The following CDH13 variants were observed in gnomAD, a reference collection of about 807,000 sequenced individuals.
The protein encoded by CDH13 is cadherin-13.
Under a neutral mutation model 63.8 loss-of-function variants are expected in CDH13, and 24 were observed. The observed-to-expected ratio is 0.38, with a 90% CI of 0.27 to 0.53. CDH13 has a LOEUF of 0.53. Ranked by LOEUF, CDH13 falls within the 20% of genes least tolerant of loss-of-function variation. The probability of loss-of-function intolerance (pLI) is 0.85; values close to 1 mark genes in which losing one functional copy is unlikely to be tolerated. For missense variants in CDH13, 1,049 were observed against 903.1 expected, an observed-to-expected ratio of 1.16 and a Z score of -2.07; for synonymous variants, 503 against 355.3, an observed-to-expected ratio of 1.42 and a Z score of -4.67.
intron 4 of CDH13, among the ~76,000 whole-genome samples, chr16:83,192,941 C>T (rs1212541277): frequency 6.6e-6 from 1 of 152,016 alleles, no homozygotes; most frequent in Non-Finnish European, 1.5e-5. Context: ...GAAACAATTT[C>T]TCTTAAAGAG....
At chr16:83,291,134 G>A (rs1705553007) in intron 5 of CDH13, among the ~76,000 whole-genome samples, 1 of 152,120 alleles carries the variant, frequency 6.6e-6, no homozygotes, top group Non-Finnish European at 1.5e-5. Flanking sequence ...ATTCATCTTT[G>A]CATCCTTCAT....
chr16:82,781,704 C>A (rs1180756987), intron 1 of CDH13, among the ~76,000 whole-genome samples: 1 of 152,178 alleles, frequency 6.6e-6, no homozygotes, highest in Non-Finnish European at 1.5e-5. Flanking sequence ...CCCCTCTCAT[C>A]CATCAATATA....
At chr16:82,716,708 C>T (rs2032397557) in intron 1 of CDH13, among the ~76,000 whole-genome samples, 1 of 150,930 alleles carries the variant, frequency 6.6e-6, no homozygotes, top group Non-Finnish European at 1.5e-5. Flanking sequence ...CATTAGTTGC[C>T]TGCACAGGTT....
At chr16:83,303,798 C>G (rs978186060) in intron 5 of CDH13, among the ~76,000 whole-genome samples, 3 of 152,084 alleles carry the variant, frequency 2.0e-5, no homozygotes, top group Non-Finnish European at 2.9e-5. Flanking sequence ...TTCTGATCCC[C>G]AATACCAGAA....
chr16:83,135,606 A>C (rs1388346308), intron 4 of CDH13, among the ~76,000 whole-genome samples: 1 of 152,228 alleles, frequency 6.6e-6, no homozygotes, highest in African/African-American at 2.4e-5. Flanking sequence ...CACTATGGAA[A>C]ACAGTGTGGA....
intron 2 of CDH13, among the ~76,000 whole-genome samples, chr16:82,904,629 A>T (rs1175657071): frequency 2.0e-5 from 3 of 152,210 alleles, no homozygotes; most frequent in Non-Finnish European, 4.4e-5. Context: ...GTCATAGTAC[A>T]TGTGCAATTC....
intron 5 of CDH13, among the ~76,000 whole-genome samples, chr16:83,314,924 C>T (rs1459111716): frequency 2.0e-5 from 3 of 152,176 alleles, no homozygotes; most frequent in Non-Finnish European, 4.4e-5. Context: ...TTCCTGTCTT[C>T]AGCCTCTTCT....
chr16:82,911,396 G>A (rs990951996), intron 2 of CDH13, among the ~76,000 whole-genome samples: 1 of 152,112 alleles, frequency 6.6e-6, no homozygotes, highest in Non-Finnish European at 1.5e-5. Flanking sequence ...AAGGCTCCCT[G>A]TGACATCCAA....
intron 1 of CDH13, among the ~76,000 whole-genome samples, chr16:82,787,843 T>TGTGTGTGTGTGTGTGTGTGTGTGC (rs2036095384): frequency 6.6e-6 from 1 of 151,870 alleles, no homozygotes; most frequent in East Asian, 1.9e-4. Flanking sequence ...AGGGAGGAAG[T>TGTGTGTGTGTGTGTGTGTGTGTGC]GTGTGTGTGA....
At chr16:83,057,467 A>G (rs1200921729) in intron 3 of CDH13, among the ~76,000 whole-genome samples, 4 of 152,208 alleles carry the variant, frequency 2.6e-5, no homozygotes, top group Admixed American at 6.5e-5. Context: ...AGTTTAATAT[A>G]TGAATGATAC....
intron 1 of CDH13, among the ~76,000 whole-genome samples, chr16:82,640,778 A>G (rs1208890073): frequency 6.6e-6 from 1 of 152,244 alleles, no homozygotes; most frequent in East Asian, 1.9e-4. Flanking sequence ...ATTAACTTTT[A>G]TCAAGGTAAA....
intron 8 of CDH13, among the ~76,000 whole-genome samples, chr16:83,635,961 C>T (rs2150802012): frequency 6.6e-6 from 1 of 152,152 alleles, no homozygotes; most frequent in South Asian, 2.1e-4. Flanking sequence ...GTCCATGATC[C>T]TTTCGGAACT....
intron 10 of CDH13, among the ~76,000 whole-genome samples, chr16:83,707,064 C>T (rs935056926): frequency 6.6e-6 from 1 of 152,178 alleles, no homozygotes; most frequent in South Asian, 2.1e-4. Flanking sequence ...AACAGCACAT[C>T]TACTCTGGAC....
intron 6 of CDH13, among the ~76,000 whole-genome samples, chr16:83,445,920 C>A (rs920731668): frequency 1.3e-5 from 2 of 152,114 alleles, no homozygotes; most frequent in African/African-American, 4.8e-5. Flanking sequence ...GATCTTTGTG[C>A]CTCTTGACTC....
intron 6 of CDH13, among the ~76,000 whole-genome samples, chr16:83,360,618 C>T (rs956922690): frequency 6.6e-6 from 1 of 152,126 alleles, no homozygotes; most frequent in Non-Finnish European, 1.5e-5. Flanking sequence ...CTCACCAGCA[C>T]CCTCCGCTAG....
chr16:83,202,289 C>T (rs2039054844), intron 4 of CDH13, among the ~76,000 whole-genome samples: 1 of 152,074 alleles, frequency 6.6e-6, no homozygotes, highest in Admixed American at 6.6e-5. Context: ...AAAACGGCTG[C>T]AAAATAGGAT....
At chr16:83,216,424 ATATAT>A (rs2039522241) in intron 4 of CDH13, among the ~76,000 whole-genome samples, 4 of 92,620 alleles carry the variant, frequency 4.3e-5, no homozygotes, top group Non-Finnish European at 8.7e-5. Flanking sequence ...ATATATATAT[ATATAT>A]ATATATATAT....
At chr16:83,536,163 G>C (rs1011624155) in intron 7 of CDH13, among the ~76,000 whole-genome samples, 2 of 152,184 alleles carry the variant, frequency 1.3e-5, no homozygotes, top group Non-Finnish European at 2.9e-5. Flanking sequence ...TATATACTGT[G>C]AGCCAAAACT....
At chr16:82,767,489 A>G (rs569030970) in intron 1 of CDH13, among the ~76,000 whole-genome samples, 1 of 152,376 alleles carries the variant, frequency 6.6e-6, no homozygotes, top group Non-Finnish European at 1.5e-5. Flanking sequence ...TGAATCGGGA[A>G]AAACAAATAT....
Sources: allele counts gnomAD v4.1 joint callset (sites outside exome capture counted in the v4.1 genomes callset), GRCh38; gene constraint gnomAD v4.1.1; transcripts MANE v1.5; gene names NCBI Gene and HGNC (gene_info 2026-07-23, HGNC 2026-07-21).